KYAT3: variants seen among roughly 807,000 people sequenced by gnomAD.
The protein encoded by KYAT3 is kynurenine aminotransferase 3.
In KYAT3, 50 loss-of-function variants were observed where a neutral mutation model predicts 59.0. The ratio of observed to expected loss-of-function variants is 0.85; its 90% CI spans 0.68 to 1.07. The LOEUF (loss-of-function observed/expected upper bound fraction) is 1.07, where lower values mean the gene tolerates loss of function less well. Among genes scored for constraint, KYAT3 ranks in the 50% least tolerant of loss-of-function variants. The pLI, the probability that KYAT3 is intolerant of heterozygous loss-of-function variation, is 0.00. For synonymous variants in KYAT3, 148 were observed against 177.0 expected (o/e 0.84, Z 1.30); for missense variants, 497 against 533.3 (o/e 0.93, Z 0.67).
intron 8 of KYAT3, among the ~76,000 whole-genome samples, chr1:88,956,106 C>T (rs1245165241): frequency 6.6e-6 from 1 of 152,108 alleles, no homozygotes; most frequent in African/African-American, 2.4e-5. Context: ...ATATTTTCTC[C>T]GTAAGGAACA....
At chr1:88,924,166 T>G in the KYAT3 span, among the ~76,000 whole-genome samples, 2 of 152,196 alleles carry the variant, frequency 1.3e-5, no homozygotes, top group African/African-American at 2.4e-5. Context: ...TCAGTCCGTA[T>G]AGAAACCAGC....
intron 4 of KYAT3, among the ~76,000 whole-genome samples, chr1:88,966,283 G>T (rs958211759): frequency 6.6e-6 from 1 of 152,032 alleles, no homozygotes; most frequent in Non-Finnish European, 1.5e-5. Flanking sequence ...GGGTCCATAG[G>T]CCATAGATTG....
chr1:88,976,993 A>G (rs1676813359), intron 2 of KYAT3, among the ~76,000 whole-genome samples: 1 of 152,174 alleles, frequency 6.6e-6, no homozygotes, highest in African/African-American at 2.4e-5. Context: ...TCTTCAATTT[A>G]TTATTGAAGA....
At chr1:88,921,775 C>T in the KYAT3 span, among the ~76,000 whole-genome samples, 37 of 152,082 alleles carry the variant, frequency 2.4e-4, no homozygotes, top group African/African-American at 8.7e-4. Flanking sequence ...TCAAGAAGAG[C>T]CAACATTGTA....
chr1:88,955,360 G>GT (rs200621884), intron 8 of KYAT3, 135 bp from the exon 9 acceptor site: 28,042 of 449,016 alleles, frequency 0.062, no homozygotes, highest in South Asian at 0.079. Flanking sequence ...GTTATTTCTA[G>GT]TTTTTTTTTT....
downstream of KYAT3, among the ~76,000 whole-genome samples, chr1:88,934,514 A>G (rs1008910003): frequency 2.0e-5 from 3 of 152,124 alleles, no homozygotes; most frequent in African/African-American, 7.2e-5. Flanking sequence ...AGGTAGGGGA[A>G]CATAGACTTA....
downstream of KYAT3, among the ~76,000 whole-genome samples, chr1:88,934,826 T>A (rs575414872): frequency 4.9e-4 from 74 of 152,296 alleles, no homozygotes; most frequent in Middle Eastern, 3.4e-3. Flanking sequence ...TGTGTAAGTA[T>A]CACCTGGAGG....
rs554928578 is a variant in KYAT3, at chr1:88,991,268, A to C, written c.-2+1317T>G. 5.3e-5 allele frequency among the ~76,000 whole-genome samples: 8 copies of C among 152,348 alleles called. No homozygotes were observed. The East Asian group carries it at 1.5e-3, about 29-fold the overall frequency. On this transcript the variant is annotated intron_variant, in intron 1 of 13. Transcript: ENST00000260508. ...GTCAAAATAAATCCTAAGAAACTTA[A>C]AGCTCTAGACTTAAATCCAAATGAT...
At chr1:88,988,381 G>A in intron 1 of KYAT3, 30 bp from the exon 2 acceptor site, 2 of 1,363,410 alleles carry the variant, frequency 1.5e-6, no homozygotes, top group East Asian at 2.3e-5. Context: ...TTGAGAAGAG[G>A]AATAAATATA....
At chr1:88,942,645 CTCTTCCTCGCGG>C in intron 13 of KYAT3, among the ~76,000 whole-genome samples, 1 of 152,176 alleles carries the variant, frequency 6.6e-6, no homozygotes, top group East Asian at 1.9e-4. Flanking sequence ...TCACTGCAAG[CTCTTCCTCGCGG>C]GTTCACGCCA....
At position 88,936,187 on chromosome 1, in the gene KYAT3, GA is replaced by G. The variant is rs1425658731; in HGVS notation, c.1360del (p.Ser454LeufsTer8). On this transcript the variant is annotated frameshift_variant, in exon 14 of 14. Transcript: ENST00000260508. LOFTEE classifies it high-confidence loss of function. The part of the protein sequence containing the change: ...EIIKAWSVQK[S>X] Reference sequence around the variant, plus strand: ...CATTAATCCATTCTGCACAAATCAAGACTTCTGTACACTCCATGCCTTGATG... The same window carrying G: ...CATTAATCCATTCTGCACAAATCAAGCTTCTGTACACTCCATGCCTTGATG... 1.9e-6 allele frequency: 3 copies of G among 1,604,890 alleles called. No individual in the cohort carries two copies. Among genetic ancestry groups the G allele is most frequent in the Middle Eastern group, 1.7e-4 (1 of 6,044 alleles).
At chr1:88,992,932 A>C (rs1318226963), upstream of KYAT3, 1 of 152,248 alleles carries the variant, frequency 6.6e-6, no homozygotes, top group African/African-American at 2.4e-5. Flanking sequence ...GAATGGATGG[A>C]AATGGAGGAG....
At chr1:88,949,060 T>C in intron 11 of KYAT3, 31 bp downstream of exon 11, 3 of 1,464,422 alleles carry the variant, frequency 2.0e-6, no homozygotes, top group Non-Finnish European at 2.7e-6. Flanking sequence ...TAAGTTTCCG[T>C]ATAGTTGAAA....
rs781055491 is a variant in KYAT3 at position 88,955,147 on chromosome 1, A to C, written c.864+2T>G. 6.3e-7 allele frequency: 1 copy of C among 1,588,752 alleles called. No individual in the cohort carries two copies. On this transcript the variant is annotated splice_donor_variant, in intron 9 of 13. Coordinates refer to ENST00000260508, the MANE Select transcript of KYAT3 (RefSeq NM_001008661.3). LOFTEE classifies it high-confidence loss of function. ...AAGCAATTAAATTCTTACTCATCTT[A>C]CCTTCCAGCCAGTTACACTGAAAGT...
Position 88,949,073 on chromosome 1 carries a change from A to G in KYAT3, c.1141+18T>C, listed in dbSNP as rs1029406224. On this transcript the variant is annotated intron_variant, in intron 11 of 13. Coordinates refer to ENST00000260508, the MANE Select transcript of KYAT3 (RefSeq NM_001008661.3). The stretch of plus-strand genomic sequence containing the variant: ...CATAAGTTTCCGTATAGTTGAAATA[A>G]TAAAAGCCTTTACAAACCTAGCAAA... The G allele has an allele frequency of 6.0e-6, 9 of 1,507,504 alleles. No individual in the cohort carries two copies. Among genetic ancestry groups the G allele is most frequent in the Non-Finnish European group, 7.1e-6 (8 of 1,133,300 alleles). The allele number at this position is 1,507,504 out of a possible 1,614,324, so 93.4% of individuals were successfully genotyped here.
intron 2 of KYAT3, chr1:88,983,447 C>A: frequency 8.1e-6 from 13 of 1,614,142 alleles, no homozygotes; most frequent in Non-Finnish European, 1.1e-5. Context: ...ATCCATGTGT[C>A]CTCCTCGTGA....
At chr1:88,985,587 A>C (rs1254563056) in intron 2 of KYAT3, among the ~76,000 whole-genome samples, 1 of 152,236 alleles carries the variant, frequency 6.6e-6, no homozygotes, top group Non-Finnish European at 1.5e-5. Flanking sequence ...TAAACATCAA[A>C]ACTCCTAGTG....
At chr1:88,986,900 T>C (rs759566296) in intron 2 of KYAT3, among the ~76,000 whole-genome samples, 1 of 152,250 alleles carries the variant, frequency 6.6e-6, no homozygotes, top group Non-Finnish European at 1.5e-5. Flanking sequence ...CCTGTGCGAC[T>C]ATTTTAAATG....
At chr1:88,973,918 C>T (rs573889867) in intron 2 of KYAT3, among the ~76,000 whole-genome samples, 1 of 152,270 alleles carries the variant, frequency 6.6e-6, no homozygotes, top group Non-Finnish European at 1.5e-5. Flanking sequence ...CAGAAAAAGT[C>T]TTCCTAAATG....
Sources: allele counts gnomAD v4.1 joint callset (sites outside exome capture counted in the v4.1 genomes callset), GRCh38; gene constraint gnomAD v4.1.1; transcripts MANE v1.5; gene names NCBI Gene and HGNC (gene_info 2026-07-23, HGNC 2026-07-21).